Variants in RGS6 observed in about 807,000 individuals in gnomAD.
The protein encoded by RGS6 is regulator of G-protein signaling 6.
In RGS6, 30 loss-of-function variants were observed where a neutral mutation model predicts 78.5. That is an observed-to-expected ratio of 0.38 (90% CI 0.29 to 0.52). RGS6 has a LOEUF of 0.52. Among genes scored for constraint, RGS6 ranks in the 20% least tolerant of loss-of-function variants. The pLI is 0.85. For missense variants in RGS6, 495 were observed against 609.7 expected, an observed-to-expected ratio of 0.81 and a Z score of 1.98; for synonymous variants, 206 against 206.0, an observed-to-expected ratio of 1.00 and a Z score of 0.00.
chr14:72,107,121 T>G (rs945858087), intron 2 of RGS6, among the ~76,000 whole-genome samples: 1 of 152,112 alleles, frequency 6.6e-6, no homozygotes, highest in African/African-American at 2.4e-5. Context: ...ATGGCTACCT[T>G]GTGGTAGATT....
chr14:72,175,093 A>G (rs1041408084), intron 2 of RGS6, among the ~76,000 whole-genome samples: 5 of 152,204 alleles, frequency 3.3e-5, no homozygotes, highest in Non-Finnish European at 7.3e-5. Flanking sequence ...ATGGCCAGTT[A>G]TCTTGCAGAA....
At chr14:72,162,374 A>G (rs915494193) in intron 2 of RGS6, among the ~76,000 whole-genome samples, 1 of 152,184 alleles carries the variant, frequency 6.6e-6, no homozygotes, top group African/African-American at 2.4e-5. Flanking sequence ...CACAGCAAAG[A>G]TAAGGCTAAA....
chr14:71,935,870 A>G (rs1044871785), intron 1 of RGS6, among the ~76,000 whole-genome samples: 2 of 151,512 alleles, frequency 1.3e-5, no homozygotes, highest in African/African-American at 4.9e-5. Context: ...TCATCCTGGG[A>G]GTCTCTGATT....
chr14:72,302,312 G>A (rs527455950), intron 2 of RGS6, among the ~76,000 whole-genome samples: 8 of 152,314 alleles, frequency 5.3e-5, no homozygotes, highest in East Asian at 3.9e-4. Flanking sequence ...ATTAAGTGGC[G>A]GAGCCAAGAT....
At chr14:72,282,058 G>C (rs997177654) in intron 2 of RGS6, among the ~76,000 whole-genome samples, 1 of 152,126 alleles carries the variant, frequency 6.6e-6, no homozygotes, top group Non-Finnish European at 1.5e-5. Context: ...AGATTATTGT[G>C]CATTGGATCA....
rs550991083 is a variant in RGS6 at position 72,272,443 on chromosome 14, C to T, written c.85-79652C>T. On this transcript the variant is annotated intron_variant, in intron 2 of 17. Transcript: ENST00000553525. The stretch of plus-strand genomic sequence containing the variant: ...ACTGCTCTGGGCCTCTGTAAAAAAT[C>T]AAGGTTGTGGTTAGATGTTCTCAAA... Among the ~76,000 whole-genome samples the T allele has an allele frequency of 2.6e-5, 4 of 152,312 alleles. No homozygotes were observed. In the South Asian group the frequency reaches 8.3e-4, roughly 32 times the overall value.
At chr14:72,219,214 T>G (rs1261498157) in intron 2 of RGS6, among the ~76,000 whole-genome samples, 1 of 152,072 alleles carries the variant, frequency 6.6e-6, no homozygotes, top group African/African-American at 2.4e-5. Flanking sequence ...ACATGCATGC[T>G]GGGTGACCAC....
chr14:72,082,756 G>A (rs955748420), intron 2 of RGS6, among the ~76,000 whole-genome samples: 1 of 151,998 alleles, frequency 6.6e-6, no homozygotes, highest in Non-Finnish European at 1.5e-5. Flanking sequence ...AAGTTCTTGG[G>A]GGAAATAAGC....
chr14:72,337,746 A>G (rs898177460), intron 2 of RGS6, among the ~76,000 whole-genome samples: 3 of 152,216 alleles, frequency 2.0e-5, no homozygotes, highest in Non-Finnish European at 4.4e-5. Context: ...TTTAATCTGT[A>G]TGATTAACAG....
At chr14:72,296,990 C>T (rs1342426837) in intron 2 of RGS6, among the ~76,000 whole-genome samples, 1 of 151,852 alleles carries the variant, frequency 6.6e-6, no homozygotes, top group Non-Finnish European at 1.5e-5. Flanking sequence ...TTTCTTTTTC[C>T]ACATGGCTAT....
At chr14:72,346,262 C>G (rs971948226) in intron 2 of RGS6, among the ~76,000 whole-genome samples, 3 of 152,006 alleles carry the variant, frequency 2.0e-5, no homozygotes, top group African/African-American at 7.3e-5. Flanking sequence ...ATTGAAGGAG[C>G]TAAGTAAATT....
At chr14:71,975,582 C>T (rs2094071275) in intron 2 of RGS6, among the ~76,000 whole-genome samples, 1 of 152,082 alleles carries the variant, frequency 6.6e-6, no homozygotes, top group Non-Finnish European at 1.5e-5. Flanking sequence ...CCCCAACCTC[C>T]CGAGTAGCTG....
intron 2 of RGS6, among the ~76,000 whole-genome samples, chr14:72,129,157 A>G (rs568873326): frequency 1.5e-3 from 230 of 152,324 alleles, no homozygotes; most frequent in African/African-American, 5.4e-3. Context: ...GAGAAGGGGA[A>G]CTTGAGTTGA....
chr14:71,966,289 TA>T (rs1388312898), intron 2 of RGS6, among the ~76,000 whole-genome samples: 1 of 152,216 alleles, frequency 6.6e-6, no homozygotes, highest in Non-Finnish European at 1.5e-5. Flanking sequence ...CTTTTCCTTG[TA>T]AAAATAGAGT....
intron 2 of RGS6, among the ~76,000 whole-genome samples, chr14:72,209,070 T>G (rs2043387178): frequency 6.6e-6 from 1 of 151,946 alleles, no homozygotes; most frequent in Non-Finnish European, 1.5e-5. Flanking sequence ...TGGACAAAGG[T>G]GAAAACCCAT....
Position 72,414,734 on chromosome 14 carries a change from T to C in RGS6, c.185-39794T>C, listed in dbSNP as rs143449804. Among the ~76,000 whole-genome samples, 139 of 152,290 alleles carry C rather than the reference T, an allele frequency of 9.1e-4. 2 individuals are homozygous for C. The East Asian group carries it at 0.022, about 24-fold the overall frequency. ...TTTGATGATGGTGATGTTTTTGGTG[T>C]GGATGTCCTTTCTGTTTGTTAGTTT... is the stretch of plus-strand genomic sequence containing the variant. On this transcript the variant is annotated intron_variant, in intron 3 of 17. Transcript: ENST00000553525.
intron 2 of RGS6, among the ~76,000 whole-genome samples, chr14:72,198,925 G>C (rs2040840253): frequency 6.6e-6 from 1 of 152,218 alleles, no homozygotes; most frequent in Non-Finnish European, 1.5e-5. Flanking sequence ...GAGGTTTATA[G>C]GACAGAAATT....
At chr14:72,312,155 G>A (rs904119629) in intron 2 of RGS6, among the ~76,000 whole-genome samples, 1 of 151,574 alleles carries the variant, frequency 6.6e-6, no homozygotes, top group Non-Finnish European at 1.5e-5. Context: ...GCAGGGGAAT[G>A]TGTACTCTGG....
intron 2 of RGS6, among the ~76,000 whole-genome samples, chr14:72,037,470 A>C (rs1481155319): frequency 6.6e-6 from 1 of 152,190 alleles, no homozygotes; most frequent in Non-Finnish European, 1.5e-5. Context: ...AACTCCAGAC[A>C]CACCATCTTT....
Sources: gnomAD v4.1 joint callset for allele counts (sites outside exome capture counted in the v4.1 genomes callset) on GRCh38, gnomAD v4.1.1 for gene constraint, MANE v1.5 for transcripts, NCBI Gene and HGNC (gene_info 2026-07-23, HGNC 2026-07-21) for gene names.